The following CRB1 variants were observed in gnomAD, a reference collection of about 807,000 sequenced individuals.
CRB1 encodes the protein crumbs cell polarity complex component 1.
A neutral mutation model predicts 120.0 loss-of-function variants in CRB1; 83 were observed. That is an observed-to-expected ratio of 0.69 (90% CI 0.58 to 0.83). The LOEUF is 0.83. CRB1 is among the 40% of genes least tolerant of loss of function. The pLI is 0.00. For missense variants in CRB1, 1,699 were observed against 1,687.6 expected (o/e 1.01, Z -0.12); for synonymous variants, 625 against 612.5 (o/e 1.02, Z -0.30).
the CRB1 span, among the ~76,000 whole-genome samples, chr1:197,217,071 A>G: frequency 0.012 from 1,892 of 152,234 alleles, 41 homozygotes; most frequent in African/African-American, 0.043. Flanking sequence ...TAAAGTGTAC[A>G]TCGAATTGAA....
chr1:197,235,700 G>A, the CRB1 span, among the ~76,000 whole-genome samples: 1 of 152,172 alleles, frequency 6.6e-6, no homozygotes, highest in East Asian at 1.9e-4. Flanking sequence ...AATAAATGGT[G>A]GTTGTGTTAA....
Position 197,442,553 on chromosome 1 carries a change from T to G in CRB1, c.4005+261T>G, listed in dbSNP as rs1665506239. On this transcript the variant is annotated intron_variant, in intron 11 of 11. Transcript: ENST00000367400. ...AATTAAGGTAAATTCAAGGCTTATTTTAAACATATCAGAAGCACTTTGTCT... is the reference window on the plus strand; with the variant it reads ...AATTAAGGTAAATTCAAGGCTTATTGTAAACATATCAGAAGCACTTTGTCT... 2.1e-6 allele frequency: 3 copies of G among 1,430,352 alleles called. No homozygotes were observed. The African/African-American group carries it at 4.3e-5, about 21-fold the overall frequency. The allele number at this position is 1,430,352 out of a possible 1,614,324, so 88.6% of individuals were successfully genotyped here. A position where few individuals can be genotyped will look rare whatever the true frequency, so the allele number is the denominator to read the frequency against.
intron 5 of CRB1, among the ~76,000 whole-genome samples, chr1:197,420,391 G>A (rs1408050155): frequency 6.6e-6 from 1 of 152,260 alleles, no homozygotes; most frequent in East Asian, 1.9e-4. Flanking sequence ...AAACAGGAAA[G>A]GAGCTTGTTA....
intron 4 of CRB1, among the ~76,000 whole-genome samples, chr1:197,354,102 A>G (rs1660281655): frequency 6.6e-6 from 1 of 152,028 alleles, no homozygotes; most frequent in Non-Finnish European, 1.5e-5. Context: ...GTGAGATACT[A>G]TATTTTATCC....
intron 4 of CRB1, among the ~76,000 whole-genome samples, chr1:197,354,297 T>TGTA (rs1660297720): frequency 6.6e-6 from 1 of 152,184 alleles, no homozygotes; most frequent in Admixed American, 6.5e-5. Flanking sequence ...GCATAAACTG[T>TGTA]AGGGTTAAAC....
chr1:197,392,134 G>A (rs1662537652), intron 5 of CRB1, among the ~76,000 whole-genome samples: 1 of 151,912 alleles, frequency 6.6e-6, no homozygotes, highest in Admixed American at 6.6e-5. Flanking sequence ...TGCAATTAGA[G>A]GTACCAGGGT....
chr1:197,393,237 T>G (rs1662600048), intron 5 of CRB1, among the ~76,000 whole-genome samples: 1 of 152,070 alleles, frequency 6.6e-6, no homozygotes, highest in African/African-American at 2.4e-5. Context: ...ATGCACAATG[T>G]GTTATCTTTC....
the CRB1 span, among the ~76,000 whole-genome samples, chr1:197,224,825 T>C: frequency 6.6e-6 from 1 of 152,126 alleles, no homozygotes; most frequent in Non-Finnish European, 1.5e-5. Context: ...TTAGACTTTA[T>C]ACTCAGTAAT....
chr1:197,354,666 C>T (rs2125348611), intron 4 of CRB1, among the ~76,000 whole-genome samples: 1 of 152,144 alleles, frequency 6.6e-6, no homozygotes, highest in South Asian at 2.1e-4. Flanking sequence ...AGTGCTACAG[C>T]TCATAAAGTC....
chr1:197,363,134 G>GA (rs542815692), intron 5 of CRB1, among the ~76,000 whole-genome samples: 1,600 of 85,134 alleles, frequency 0.019, 26 homozygotes, highest in African/African-American at 0.061. Context: ...CTTCTATTTA[G>GA]GTTTTTTTTT....
At chr1:197,276,702 A>G (rs987527192) in intron 1 of CRB1, among the ~76,000 whole-genome samples, 2 of 151,942 alleles carry the variant, frequency 1.3e-5, no homozygotes, top group Non-Finnish European at 2.9e-5. Flanking sequence ...GAGCGTGCCT[A>G]TAGTGTTTGA....
In CRB1 at chr1:197,429,478, C is replaced by G; in HGVS notation, c.2706C>G (p.Cys902Trp). 2.5e-6 allele frequency: 4 copies of G among 1,613,996 alleles called. No homozygotes were observed. The highest frequency in any genetic ancestry group is 3.4e-6 in the Non-Finnish European group (4 of 1,179,934). The part of the protein sequence containing the change: ...KSNPCHNGGV[C>W]HSRWDDFSCS... ...ACCCCTGTCACAATGGAGGTGTTTG[C>G]CATTCCCGGTGGGATGACTTCTCCT... The change falls in exon 8 of 12, where the codon TGC (cysteine) becomes TGG (tryptophan). Residue 902 changes from cysteine (C) to tryptophan (W), a missense_variant. Cys to Trp is a radical substitution (Grantham distance 215). Coordinates refer to ENST00000367400, the MANE Select transcript of CRB1 (RefSeq NM_201253.3).
At chr1:197,237,132 G>GA in the CRB1 span, among the ~76,000 whole-genome samples, 123 of 145,770 alleles carry the variant, frequency 8.4e-4, no homozygotes, top group African/African-American at 2.5e-3. Flanking sequence ...GAAATTATCA[G>GA]AAAAAAAAAA....
intron 6 of CRB1, among the ~76,000 whole-genome samples, chr1:197,424,740 C>A (rs965207986): frequency 6.6e-6 from 1 of 152,186 alleles, no homozygotes; most frequent in African/African-American, 2.4e-5. Flanking sequence ...ATCTTATAAA[C>A]GCACATTTAG....
chr1:197,240,680 T>A, the CRB1 span, among the ~76,000 whole-genome samples: 3 of 152,208 alleles, frequency 2.0e-5, no homozygotes, highest in African/African-American at 7.2e-5. Flanking sequence ...AACATATGTG[T>A]GCATGTGTCT....
At chr1:197,423,681 T>G (rs1571529910) in intron 6 of CRB1, among the ~76,000 whole-genome samples, 1 of 152,118 alleles carries the variant, frequency 6.6e-6, no homozygotes, top group Admixed American at 6.5e-5. Flanking sequence ...GGAGACATAC[T>G]AAAAAGCACA....
intron 5 of CRB1, among the ~76,000 whole-genome samples, chr1:197,359,629 G>C (rs907089643): frequency 6.6e-6 from 1 of 152,066 alleles, no homozygotes; most frequent in Non-Finnish European, 1.5e-5. Context: ...TAAAATTGCT[G>C]GTTCCTATGA....
chr1:197,373,582 C>G (rs1193785009), intron 5 of CRB1, among the ~76,000 whole-genome samples: 1 of 152,172 alleles, frequency 6.6e-6, no homozygotes, highest in Non-Finnish European at 1.5e-5. Flanking sequence ...GGAGACAAAT[C>G]TTTCCTGCCC....
chr1:197,278,031 T>C (rs1655313928), intron 1 of CRB1, among the ~76,000 whole-genome samples: 1 of 151,974 alleles, frequency 6.6e-6, no homozygotes, highest in Non-Finnish European at 1.5e-5. Context: ...TCCCACCACG[T>C]ACTGTGTGCA....
Sources: gnomAD v4.1 joint callset for allele counts (sites outside exome capture counted in the v4.1 genomes callset) on GRCh38, gnomAD v4.1.1 for gene constraint, MANE v1.5 for transcripts, NCBI Gene and HGNC (gene_info 2026-07-23, HGNC 2026-07-21) for gene names.